GALK2: variants seen among roughly 807,000 people sequenced by gnomAD.
GALK2 encodes galactokinase 2.
In GALK2, 36 loss-of-function variants were observed where a neutral mutation model predicts 52.4. That is an observed-to-expected ratio of 0.69 (90% CI 0.53 to 0.91). GALK2 has a LOEUF of 0.91. Ranked by LOEUF, GALK2 falls within the 40% of genes least tolerant of loss-of-function variation. The pLI, the probability that GALK2 is intolerant of heterozygous loss-of-function variation, is 0.00. For synonymous variants in GALK2, 176 were observed against 199.1 expected (o/e 0.88, Z 0.98); for missense variants, 579 against 559.1 (o/e 1.04, Z -0.36).
intron 2 of GALK2, among the ~76,000 whole-genome samples, chr15:49,212,357 A>G (rs1355765524): frequency 6.6e-6 from 1 of 152,118 alleles, no homozygotes; most frequent in Non-Finnish European, 1.5e-5. Context: ...TCCCCTCCCA[A>G]AGTGCTGGGA....
intron 1 of GALK2, chr15:49,156,053 C>G: frequency 6.2e-7 from 1 of 1,608,782 alleles, no homozygotes; most frequent in Non-Finnish European, 8.5e-7. Context: ...GTGCATTTAG[C>G]CCACACATTG....
intron 2 of GALK2, among the ~76,000 whole-genome samples, chr15:49,214,729 C>T (rs2089238060): frequency 6.6e-6 from 1 of 152,086 alleles, no homozygotes; most frequent in African/African-American, 2.4e-5. Flanking sequence ...GTCTTTTAAT[C>T]TTCCTACTAA....
chr15:49,333,153 TTAAG>T (rs1276093454), downstream of GALK2, among the ~76,000 whole-genome samples: 5 of 152,108 alleles, frequency 3.3e-5, no homozygotes, highest in South Asian at 2.1e-4. Flanking sequence ...TTAAAAAAAA[TTAAG>T]TTTTATTGAG....
At chr15:49,273,836 G>A (rs1255102500) in intron 5 of GALK2, among the ~76,000 whole-genome samples, 1 of 152,188 alleles carries the variant, frequency 6.6e-6, no homozygotes, top group African/African-American at 2.4e-5. Context: ...TAAAGTCAGA[G>A]GAGCCATTAA....
At chr15:49,367,654 T>A in exon 4 of GALK2, 1 of 1,494,392 alleles carries the variant, frequency 6.7e-7, no homozygotes, top group Non-Finnish European at 8.9e-7. Context: ...CTTTTGTGTT[T>A]CTAAAAAACT....
At chr15:49,365,854 G>A in intron 3 of GALK2, 4 of 900,838 alleles carry the variant, frequency 4.4e-6, no homozygotes, top group South Asian at 3.9e-5. Flanking sequence ...ACACTCAATT[G>A]TGCATTGTCC....
intron 5 of GALK2, among the ~76,000 whole-genome samples, chr15:49,240,008 C>G (rs1277950546): frequency 6.6e-6 from 1 of 152,194 alleles, no homozygotes; most frequent in East Asian, 1.9e-4. Flanking sequence ...TGTACATATA[C>G]TACCAGGTTT....
chr15:49,276,298 T>G (rs2141718543), intron 5 of GALK2, among the ~76,000 whole-genome samples: 1 of 140,512 alleles, frequency 7.1e-6, no homozygotes, highest in Admixed American at 7.7e-5. Context: ...AGCTTGAGGG[T>G]TTTCAGGTTG....
At chr15:49,175,785 A>T (rs113859988) in intron 1 of GALK2, among the ~76,000 whole-genome samples, 10,302 of 152,186 alleles carry the variant, frequency 0.068, 734 homozygotes, top group African/African-American at 0.17. Flanking sequence ...GTAGTTAAAG[A>T]TCAACCCCTG....
intron 3 of GALK2, among the ~76,000 whole-genome samples, chr15:49,362,726 G>C (rs2044455612): frequency 1.3e-5 from 2 of 151,546 alleles, no homozygotes; most frequent in Admixed American, 1.3e-4. Flanking sequence ...TATGTCCTAG[G>C]TTATCTTCCA....
intron 5 of GALK2, among the ~76,000 whole-genome samples, chr15:49,265,067 T>C (rs1943250483): frequency 6.6e-6 from 1 of 152,160 alleles, no homozygotes; most frequent in African/African-American, 2.4e-5. Context: ...TTCTCAGATC[T>C]CCAGCTGCGT....
intron 5 of GALK2, among the ~76,000 whole-genome samples, chr15:49,273,420 T>C (rs1442819389): frequency 6.6e-6 from 1 of 152,212 alleles, no homozygotes; most frequent in South Asian, 2.1e-4. Context: ...AGTTTGGGAA[T>C]TGGCTGTCTT....
At chr15:49,362,435 CTCTTT>C (rs1454578300) in intron 3 of GALK2, among the ~76,000 whole-genome samples, 1 of 152,160 alleles carries the variant, frequency 6.6e-6, no homozygotes, top group African/African-American at 2.4e-5. Flanking sequence ...TCAGTTAAAT[CTCTTT>C]TCTTCATAAA....
intron 3 of GALK2, among the ~76,000 whole-genome samples, chr15:49,367,012 A>C (rs544568336): frequency 1.3e-5 from 2 of 152,300 alleles, no homozygotes; most frequent in South Asian, 2.1e-4. Context: ...CATAAAAATA[A>C]ATTTTTTAAT....
intron 2 of GALK2, among the ~76,000 whole-genome samples, chr15:49,207,581 G>A (rs1192811195): frequency 6.6e-6 from 1 of 151,952 alleles, no homozygotes; most frequent in African/African-American, 2.4e-5. Context: ...TAAGCTAGGA[G>A]GGTTGTATTT....
chr15:49,352,247 C>T (rs532047200), intron 3 of GALK2, among the ~76,000 whole-genome samples: 1 of 152,128 alleles, frequency 6.6e-6, no homozygotes, highest in Non-Finnish European at 1.5e-5. Context: ...TACCTTGTCT[C>T]GAAGTCACAA....
intron 1 of GALK2, among the ~76,000 whole-genome samples, chr15:49,174,811 A>C (rs910868837): frequency 6.6e-6 from 1 of 152,216 alleles, no homozygotes; most frequent in Non-Finnish European, 1.5e-5. Flanking sequence ...AGTATGTTGA[A>C]TAATAATGAT....
At chr15:49,172,640 A>G (rs1327186955) in intron 1 of GALK2, among the ~76,000 whole-genome samples, 1 of 152,194 alleles carries the variant, frequency 6.6e-6, no homozygotes, top group African/African-American at 2.4e-5. Context: ...CTTTGAGTAA[A>G]GGCACTGGTC....
Position 49,328,612 on chromosome 15 carries a change from G to C in GALK2, c.*453G>C. The C allele has an allele frequency of 1.3e-6, 2 of 1,590,932 alleles. No individual in the cohort carries two copies. The highest frequency in any genetic ancestry group is 1.7e-6 in the Non-Finnish European group (2 of 1,165,212). On this transcript the variant is annotated 3_prime_UTR_variant, in exon 10 of 10. Transcript: ENST00000560031. ...AAGTTGTAGTTGTCTGTTGATGATGGTGATGATGATGATGATGACGATAGT... is the reference window on the plus strand; with the variant it reads ...AAGTTGTAGTTGTCTGTTGATGATGCTGATGATGATGATGATGACGATAGT...
Sources: allele counts gnomAD v4.1 joint callset (sites outside exome capture counted in the v4.1 genomes callset), GRCh38; gene constraint gnomAD v4.1.1; transcripts MANE v1.5; gene names NCBI Gene and HGNC (gene_info 2026-07-23, HGNC 2026-07-21).